MICAL3: variants seen among roughly 807,000 people sequenced by gnomAD.
The protein encoded by MICAL3 is [F-actin]-monooxygenase MICAL3.
A neutral mutation model predicts 207.4 loss-of-function variants in MICAL3; 62 were observed. That is an observed-to-expected ratio of 0.30 (90% CI 0.24 to 0.37). The LOEUF (loss-of-function observed/expected upper bound fraction) is 0.37, where lower values mean the gene tolerates loss of function less well. Ranked by LOEUF, MICAL3 falls within the 10% of genes least tolerant of loss-of-function variation. The pLI is 1.00. For synonymous variants in MICAL3, 1,077 were observed against 1,069.3 expected, an observed-to-expected ratio of 1.01 and a Z score of -0.14; for missense variants, 2,368 against 2,635.6, an observed-to-expected ratio of 0.90 and a Z score of 2.22.
At chr22:17,943,687 G>T (rs1020245845) in intron 1 of MICAL3, among the ~76,000 whole-genome samples, 1 of 152,228 alleles carries the variant, frequency 6.6e-6, no homozygotes, top group Non-Finnish European at 1.5e-5. Flanking sequence ...TAAACTGGAG[G>T]AAACAAAAGA....
At chr22:17,804,566 C>T (rs1467297671) in intron 29 of MICAL3, among the ~76,000 whole-genome samples, 1 of 152,232 alleles carries the variant, frequency 6.6e-6, no homozygotes, top group Non-Finnish European at 1.5e-5. Context: ...TGGCCTGGGG[C>T]ACTCCTAGCC....
chr22:17,871,504 T>G (rs907408829), intron 17 of MICAL3, among the ~76,000 whole-genome samples: 1 of 152,176 alleles, frequency 6.6e-6, no homozygotes, highest in East Asian at 1.9e-4. Context: ...CAAGTCCCCT[T>G]CCGTAAAGAC....
intron 20 of MICAL3, among the ~76,000 whole-genome samples, chr22:17,838,746 T>C (rs1878127989): frequency 6.6e-6 from 1 of 152,172 alleles, no homozygotes; most frequent in Non-Finnish European, 1.5e-5. Context: ...TGAGAGTTCC[T>C]TGGCTGGAAC....
intron 1 of MICAL3, among the ~76,000 whole-genome samples, chr22:17,991,530 C>T (rs1199425389): frequency 2.6e-5 from 4 of 152,168 alleles, no homozygotes; most frequent in Non-Finnish European, 4.4e-5. Context: ...ATGAACCCTT[C>T]CCCTGGGCTG....
intron 19 of MICAL3, chr22:17,864,166 C>T (rs1222268795): frequency 7.1e-6 from 7 of 988,874 alleles, no homozygotes; most frequent in South Asian, 4.7e-5. Context: ...ACAAACCCTG[C>T]GAGTCCTGTC....
chr22:17,872,202 G>A (rs751841413), intron 16 of MICAL3, among the ~76,000 whole-genome samples, 179 bp from the exon 17 acceptor site: 10 of 152,334 alleles, frequency 6.6e-5, no homozygotes, highest in South Asian at 2.1e-4. Context: ...TGACGGCACC[G>A]CCACAGTCAC....
chr22:17,891,627 CAGACTCT>C lies in MICAL3; in HGVS notation c.1547-2_1551del. 1 of 1,613,878 alleles carries C rather than the reference CAGACTCT, an allele frequency of 6.2e-7. No homozygotes were observed. Among genetic ancestry groups the C allele is most frequent in the East Asian group, 2.2e-5 (1 of 44,880 alleles). Reference sequence around the variant, plus strand: ...CCCAGCAGTTTGCTTGAACGAGCTACAGACTCTAAAACAACAAAACACAGTATTATTG... The same window carrying C: ...CCCAGCAGTTTGCTTGAACGAGCTACAAAACAACAAAACACAGTATTATTG... On this transcript the variant is annotated splice_acceptor_variant and coding_sequence_variant, in exon 12 of 32. Coordinates refer to ENST00000441493, the MANE Select transcript of MICAL3 (RefSeq NM_015241.3). LOFTEE classifies it high-confidence loss of function.
chr22:17,791,685 T>C (rs1016306163), intron 29 of MICAL3: 1 of 225,348 alleles, frequency 4.4e-6, no homozygotes, highest in African/African-American at 2.3e-5. Flanking sequence ...ACCCGTCTTG[T>C]TAAACGAGAC....
At chr22:17,833,236 T>A (rs1174676338) in intron 20 of MICAL3, among the ~76,000 whole-genome samples, 2 of 152,252 alleles carry the variant, frequency 1.3e-5, no homozygotes, top group African/African-American at 2.4e-5. Flanking sequence ...CCAACATTGC[T>A]GCACAAATGG....
intron 29 of MICAL3, among the ~76,000 whole-genome samples, chr22:17,799,112 G>A (rs993806910): frequency 6.6e-6 from 1 of 152,174 alleles, no homozygotes; most frequent in Non-Finnish European, 1.5e-5. Context: ...AGCCAAGTGC[G>A]GTGGCTCACA....
chr22:17,865,854 C>T (rs2146144075), intron 18 of MICAL3, 70 bp downstream of exon 18: 2 of 1,347,682 alleles, frequency 1.5e-6, no homozygotes, highest in Non-Finnish European at 1.1e-6. Context: ...AGGTTGGCCG[C>T]CCCCGGCCCA....
At chr22:17,822,563 G>A (rs1467945457) in intron 23 of MICAL3, among the ~76,000 whole-genome samples, 1 of 152,198 alleles carries the variant, frequency 6.6e-6, no homozygotes, top group African/African-American at 2.4e-5. Context: ...CACAGCTGAG[G>A]CCTGCGCCCC....
chr22:17,844,202 T>G (rs1362091652), intron 19 of MICAL3, among the ~76,000 whole-genome samples: 1 of 152,102 alleles, frequency 6.6e-6, no homozygotes, highest in African/African-American at 2.4e-5. Flanking sequence ...AGGGAGCAGG[T>G]CATGACTGGG....
At chr22:17,976,576 TATA>T (rs1194992456) in intron 1 of MICAL3, among the ~76,000 whole-genome samples, 34 of 98,002 alleles carry the variant, frequency 3.5e-4, no homozygotes, top group African/African-American at 1.5e-3. Context: ...TATATATATA[TATA>T]TATATATATA....
intron 1 of MICAL3, among the ~76,000 whole-genome samples, chr22:17,913,563 A>C (rs4819649): frequency 0.66 from 99,613 of 151,642 alleles, 33,619 homozygotes; most frequent in East Asian, 0.94. Context: ...TCTCATGACC[A>C]GCACTCTGCT....
At chr22:17,849,519 G>A (rs561331709) in intron 19 of MICAL3, among the ~76,000 whole-genome samples, 70 of 150,400 alleles carry the variant, frequency 4.7e-4, no homozygotes, top group Middle Eastern at 3.5e-3. Context: ...ATTTTTTTTA[G>A]AAACGGGGTC....
chr22:17,913,317 C>T (rs1458004950), intron 1 of MICAL3, among the ~76,000 whole-genome samples: 1 of 152,132 alleles, frequency 6.6e-6, no homozygotes, highest in Admixed American at 6.5e-5. Context: ...AGAAATAAGT[C>T]GTGTTTCTGT....
At chr22:17,822,306 G>C in intron 23 of MICAL3, 136 bp from the exon 24 acceptor site, 1 of 1,157,298 alleles carries the variant, frequency 8.6e-7, no homozygotes, top group East Asian at 2.6e-5. Context: ...TTCTTACGCA[G>C]GGACAGACCT....
intron 1 of MICAL3, among the ~76,000 whole-genome samples, chr22:17,910,606 A>T (rs1188094438): frequency 6.6e-6 from 1 of 152,208 alleles, no homozygotes; most frequent in Non-Finnish European, 1.5e-5. Context: ...CACCCAAGGT[A>T]AGACGACACA....
Sources: allele counts gnomAD v4.1 joint callset (sites outside exome capture counted in the v4.1 genomes callset), GRCh38; gene constraint gnomAD v4.1.1; transcripts MANE v1.5; gene names NCBI Gene and HGNC (gene_info 2026-07-23, HGNC 2026-07-21).